The following PLA2G6 variants were observed in gnomAD, a reference collection of about 807,000 sequenced individuals.
PLA2G6 encodes the protein 85/88 kDa calcium-independent phospholipase A2.
A neutral mutation model predicts 83.8 loss-of-function variants in PLA2G6; 62 were observed. The ratio of observed to expected loss-of-function variants is 0.74; its 90% CI spans 0.60 to 0.91. The LOEUF is 0.91. PLA2G6 is among the 40% of genes least tolerant of loss of function. PLA2G6 has a pLI of 0.00. For synonymous variants in PLA2G6, 417 were observed against 449.8 expected (o/e 0.93, Z 0.92); for missense variants, 944 against 1,102.0 (o/e 0.86, Z 2.03).
At chr22:38,121,095 C>T (rs1336770815) in intron 11 of PLA2G6, 186 bp from the exon 12 acceptor site, 7 of 607,406 alleles carry the variant, frequency 1.2e-5, no homozygotes, top group South Asian at 1.9e-5. Context: ...AACCTCCTTC[C>T]GGCTGGACAT....
chr22:38,116,383 TG>T (rs1569244888), intron 12 of PLA2G6, 172 bp from the exon 13 acceptor site: 1 of 788,476 alleles, frequency 1.3e-6, no homozygotes, highest in Non-Finnish European at 2.2e-6. Flanking sequence ...TCTCCGGCAG[TG>T]CTGGAGGAGT....
chr22:38,128,513 C>A lies in PLA2G6; in HGVS notation c.1187-83G>T. 2.1e-6 allele frequency: 3 copies of A among 1,451,238 alleles called. No individual in the cohort carries two copies. The highest frequency in any genetic ancestry group is 2.9e-6 in the Non-Finnish European group (3 of 1,051,152). The allele number at this position is 1,451,238 out of a possible 1,614,324, so 89.9% of individuals were successfully genotyped here. Reference sequence around the variant, plus strand: ...AAAGGAGAGGCCCCTCCTTTCCACACTCCGTCCCCTGTCCCAGCTCCCAGG... The same window carrying A: ...AAAGGAGAGGCCCCTCCTTTCCACAATCCGTCCCCTGTCCCAGCTCCCAGG... On this transcript the variant is annotated intron_variant, in intron 8 of 16. Transcript: ENST00000332509. This position sits in a 1 kb window ranked among gnomAD's most constrained non-coding sequence, Gnocchi z 4.4.
At chr22:38,120,374 G>A (rs2087451856) in intron 12 of PLA2G6, among the ~76,000 whole-genome samples, 3 of 152,260 alleles carry the variant, frequency 2.0e-5, no homozygotes, top group Non-Finnish European at 4.4e-5. Context: ...GGTTCCTTTT[G>A]CCTGGGCAGC....
At position 38,112,057 on chromosome 22, in the gene PLA2G6, G is replaced by A. The variant is rs1360720661; in HGVS notation, c.*104C>T. 1 of 1,356,768 alleles carries A rather than the reference G, an allele frequency of 7.4e-7. No homozygotes were observed. Among genetic ancestry groups the A allele is most frequent in the Admixed American group, 2.0e-5 (1 of 50,684 alleles). The allele number at this position is 1,356,768 out of a possible 1,614,324, so 84.0% of individuals were successfully genotyped here. A position where few individuals can be genotyped will look rare whatever the true frequency, so the allele number is the denominator to read the frequency against. On this transcript the variant is annotated 3_prime_UTR_variant, in exon 17 of 17. Coordinates refer to ENST00000332509, the MANE Select transcript of PLA2G6 (RefSeq NM_003560.4). ...CTCCCAGGCCTGGTCTATGGACTCAGAGGTGCCTGGGCCCAGATCTGCCCG... is the reference window on the plus strand; with the variant it reads ...CTCCCAGGCCTGGTCTATGGACTCAAAGGTGCCTGGGCCCAGATCTGCCCG...
chr22:38,132,351 C>T lies in PLA2G6; in HGVS notation c.1077+480G>A, dbSNP rs922903237. 7.7e-5 allele frequency: 25 copies of T among 323,726 alleles called. No homozygotes were observed. The highest frequency in any genetic ancestry group is 4.6e-4 in the South Asian group (19 of 41,150). 20.1% of individuals were successfully genotyped at this position (323,726 alleles called of 1,614,324 possible). On this transcript the variant is annotated intron_variant, in intron 7 of 16. Coordinates refer to ENST00000332509, the MANE Select transcript of PLA2G6 (RefSeq NM_003560.4). This position sits in a 1 kb window ranked among gnomAD's most constrained non-coding sequence, Gnocchi z 5.0. ...CCTCCCAGGGAAGATGAGAGCAACA[C>T]GCGGACCAGTGAAGGGAAGCAGGAT...
intron 9 of PLA2G6, chr22:38,127,278 G>C: frequency 8.0e-7 from 1 of 1,244,030 alleles, no homozygotes; most frequent in Non-Finnish European, 1.0e-6. Flanking sequence ...GCTGAGAGAG[G>C]CCGGGGACAG....
rs1449537489 is a variant in PLA2G6, at chr22:38,123,214, A to C, written c.1472T>G (p.Leu491Arg). 1 of 1,556,338 alleles carries C rather than the reference A, an allele frequency of 6.4e-7. No homozygotes were observed. The highest frequency in any genetic ancestry group is 1.9e-5 in the Admixed American group (1 of 51,642). The change falls in exon 11 of 17, where the codon CTC becomes CGC. Residue 491 changes from leucine (L) to arginine (R), a missense_variant. Transcript: ENST00000332509. The surrounding 1 kb of genome is among the most constrained non-coding windows in gnomAD (Gnocchi z 4.1). ...LCLDGGGVKG[L>R]IIIQLLIAIE... ...GGCGATGAGGAGCTGGATGATGATGAGGCCTTTCACTCCTCCTCCATCCAG... is the reference window on the plus strand; with the variant it reads ...GGCGATGAGGAGCTGGATGATGATGCGGCCTTTCACTCCTCCTCCATCCAG...
intron 10 of PLA2G6, among the ~76,000 whole-genome samples, chr22:38,124,520 C>T (rs943765702): frequency 6.6e-6 from 1 of 152,176 alleles, no homozygotes; most frequent in African/African-American, 2.4e-5. Context: ...CTCTGATCTT[C>T]TCATCTTCCC....
intron 1 of PLA2G6, among the ~76,000 whole-genome samples, chr22:38,169,831 T>C (rs11570601): frequency 0.033 from 5,069 of 152,308 alleles, 125 homozygotes; most frequent in South Asian, 0.049. Context: ...ACATACATTA[T>C]AGGCAGTAAT....
intron 2 of PLA2G6, chr22:38,149,753 G>C (rs992328237): frequency 1.3e-5 from 2 of 152,194 alleles, no homozygotes; most frequent in African/African-American, 4.8e-5. Context: ...GACTAGCCAT[G>C]GCGAAACCCC....
At chr22:38,113,262 G>A (rs536207758) in intron 15 of PLA2G6, among the ~76,000 whole-genome samples, 2 of 152,246 alleles carry the variant, frequency 1.3e-5, no homozygotes, top group African/African-American at 4.8e-5. Context: ...AAAGGGATCC[G>A]CAGCTAAAAA....
chr22:38,127,559 C>A (rs1399229246), intron 9 of PLA2G6: 8 of 769,170 alleles, frequency 1.0e-5, no homozygotes, highest in African/African-American at 1.8e-5. Flanking sequence ...GGTGCCTCTC[C>A]AGAGTTCCAG....
chr22:38,127,279 C>G, intron 9 of PLA2G6: 1 of 1,244,032 alleles, frequency 8.0e-7, no homozygotes, highest in Non-Finnish European at 1.0e-6. Flanking sequence ...CTGAGAGAGG[C>G]CGGGGACAGG....
intron 12 of PLA2G6, among the ~76,000 whole-genome samples, chr22:38,119,869 T>C (rs930352810): frequency 6.6e-6 from 1 of 151,768 alleles, no homozygotes; most frequent in Non-Finnish European, 1.5e-5. Context: ...AAAATATTTA[T>C]AAATATTATC....
rs5845371 is a variant in PLA2G6, at chr22:38,144,632, C to CAA, written c.425+804_425+805dup. On this transcript the variant is annotated intron_variant, in intron 3 of 16. Coordinates refer to ENST00000332509, the MANE Select transcript of PLA2G6 (RefSeq NM_003560.4). ...TGGGCGACAGAGCGAGACTCCGTCT[C>CAA]AAAAAAAAAAAAAAAAAAAAAAAAA... 215 of 30,944 alleles carry CAA rather than the reference C, an allele frequency of 6.9e-3. 11 individuals carry two copies. Among genetic ancestry groups the CAA allele is most frequent in the Middle Eastern group, 0.022 (1 of 46 alleles). The allele number at this position is 30,944 out of a possible 1,614,324, so 1.9% of individuals were successfully genotyped here.
At chr22:38,172,701 G>A (rs1295499927) in intron 1 of PLA2G6, among the ~76,000 whole-genome samples, 1 of 152,228 alleles carries the variant, frequency 6.6e-6, no homozygotes, top group Admixed American at 6.5e-5. Flanking sequence ...GGGACGCGGA[G>A]GGGTGCGCCC....
rs147000981 is a variant in PLA2G6 at position 38,172,357 on chromosome 22, A to G, written c.-45-2886T>C. On this transcript the variant is annotated intron_variant, in intron 1 of 16. Coordinates refer to ENST00000332509, the MANE Select transcript of PLA2G6 (RefSeq NM_003560.4). ...CTCAAAGGCAGCTGCTCGTCTTTTC[A>G]TCTCCGTCCACAAGCTTGGCTCACA... Among the ~76,000 whole-genome samples, 376 of 152,310 alleles carry G rather than the reference A, an allele frequency of 2.5e-3. 2 individuals carry two copies. Among genetic ancestry groups the G allele is most frequent in the Non-Finnish European group, 4.4e-3 (300 of 68,032 alleles).
At chr22:38,166,633 G>A (rs2090225762) in intron 2 of PLA2G6, among the ~76,000 whole-genome samples, 1 of 152,168 alleles carries the variant, frequency 6.6e-6, no homozygotes, top group African/African-American at 2.4e-5. Flanking sequence ...GGAGGCTGAG[G>A]CAGAAGAATA....
rs7291586 is a variant in PLA2G6 at position 38,155,511 on chromosome 22, G to C, written c.210-9858C>G. Reference sequence around the variant, plus strand: ...TTTTCAGACATAAACAGTACAATAAGTTAAAAAGTGGGGGGACAAAGTTAA... The same window carrying C: ...TTTTCAGACATAAACAGTACAATAACTTAAAAAGTGGGGGGACAAAGTTAA... On this transcript the variant is annotated intron_variant, in intron 2 of 16. Transcript: ENST00000332509. Among the ~76,000 whole-genome samples, 1,502 of 152,224 alleles carry C rather than the reference G, an allele frequency of 9.9e-3. 34 individuals are homozygous for C. The highest frequency in any genetic ancestry group is 0.034 in the African/African-American group (1,409 of 41,528).
Sources: gnomAD v4.1 joint callset for allele counts (sites outside exome capture counted in the v4.1 genomes callset) on GRCh38, gnomAD v4.1.1 for gene constraint, Gnocchi (gnomAD v3.1) non-coding constraint, MANE v1.5 for transcripts, NCBI Gene and HGNC (gene_info 2026-07-23, HGNC 2026-07-21) for gene names.